The following INSC variants were observed in gnomAD, a reference collection of about 807,000 sequenced individuals.
The protein encoded by INSC is protein inscuteable homolog.
Under a neutral mutation model 58.6 loss-of-function variants are expected in INSC, and 67 were observed. That is an observed-to-expected ratio of 1.14 (90% confidence interval 0.94 to 1.40). The LOEUF (loss-of-function observed/expected upper bound fraction) is 1.40, where lower values mean the gene tolerates loss of function less well. INSC is among the 40% of genes most tolerant of loss of function. The pLI is 0.00. For missense variants in INSC, 714 were observed against 692.0 expected (o/e 1.03, Z -0.36); for synonymous variants, 262 against 276.1 (o/e 0.95, Z 0.51).
intron 1 of INSC, among the ~76,000 whole-genome samples, chr11:15,131,054 T>G (rs1202902731): frequency 6.6e-6 from 1 of 152,102 alleles, no homozygotes; most frequent in Non-Finnish European, 1.5e-5. Context: ...CTCTGATACT[T>G]TCTTTAGAAT....
intron 2 of INSC, among the ~76,000 whole-genome samples, chr11:15,160,189 GCACATGGGA>G (rs753247682): frequency 9.2e-5 from 14 of 152,172 alleles, no homozygotes; most frequent in Non-Finnish European, 1.5e-4. Flanking sequence ...GACGTGTGGG[GCACATGGGA>G]CATAAATTTG....
the INSC span, among the ~76,000 whole-genome samples, chr11:15,262,359 G>A: frequency 1.3e-5 from 2 of 151,996 alleles, no homozygotes; most frequent in African/African-American, 2.4e-5. Context: ...TACCATAAAG[G>A]CATTTGATAA....
chr11:15,178,548 GA>G (rs747218287), intron 5 of INSC, 101 bp downstream of exon 5: 3 of 1,357,846 alleles, frequency 2.2e-6, no homozygotes, highest in Non-Finnish European at 3.0e-6. Context: ...TACTGATGTG[GA>G]CTTTATTGGG....
At chr11:15,164,141 A>AT (rs5789862) in intron 2 of INSC, among the ~76,000 whole-genome samples, 56 of 151,370 alleles carry the variant, frequency 3.7e-4, no homozygotes, top group Non-Finnish European at 3.1e-4. Flanking sequence ...TTAAGAGTAC[A>AT]TTTTTTTTCT....
chr11:15,144,287 G>A (rs1342859458), intron 1 of INSC, among the ~76,000 whole-genome samples: 2 of 152,304 alleles, frequency 1.3e-5, no homozygotes, highest in South Asian at 2.1e-4. Context: ...AATCTTGTGA[G>A]GTTGTCTATT....
chr11:15,263,714 T>C, the INSC span, among the ~76,000 whole-genome samples: 4 of 152,176 alleles, frequency 2.6e-5, no homozygotes, highest in African/African-American at 9.7e-5. Flanking sequence ...GCTCTGAGTT[T>C]CACAAAGCTG....
At chr11:15,154,812 T>C (rs1848758637) in intron 2 of INSC, among the ~76,000 whole-genome samples, 1 of 151,972 alleles carries the variant, frequency 6.6e-6, no homozygotes, top group South Asian at 2.1e-4. Flanking sequence ...CCTTTTTTTT[T>C]GGACAAAAAT....
At chr11:15,113,111 C>CTT (rs1554899318), upstream of INSC, among the ~76,000 whole-genome samples, 1 of 58,004 alleles carries the variant, frequency 1.7e-5, no homozygotes. Flanking sequence ...TCTTTCTTTT[C>CTT]TCTCTCTCTC....
intron 2 of INSC, among the ~76,000 whole-genome samples, chr11:15,164,779 T>C (rs1849138010): frequency 6.6e-6 from 1 of 152,180 alleles, no homozygotes; most frequent in South Asian, 2.1e-4. Context: ...GCTCCCATAA[T>C]TCCCATGTGT....
At chr11:15,157,500 G>A (rs1380296255) in intron 2 of INSC, among the ~76,000 whole-genome samples, 1 of 152,214 alleles carries the variant, frequency 6.6e-6, no homozygotes, top group Non-Finnish European at 1.5e-5. Flanking sequence ...CCCACTGGGA[G>A]TTGGAAGGGG....
chr11:15,221,273 G>A (rs1851427780), intron 7 of INSC, among the ~76,000 whole-genome samples: 1 of 152,130 alleles, frequency 6.6e-6, no homozygotes, highest in Non-Finnish European at 1.5e-5. Context: ...ACTCAAAGGA[G>A]AGGCCTCCAG....
intron 5 of INSC, among the ~76,000 whole-genome samples, chr11:15,183,716 A>C (rs1007476838): frequency 6.6e-6 from 1 of 152,234 alleles, no homozygotes; most frequent in Admixed American, 6.5e-5. Flanking sequence ...TGAAGAGCCA[A>C]AGACTCTAAA....
chr11:15,196,428 C>T (rs1476005764), intron 6 of INSC, among the ~76,000 whole-genome samples: 1 of 152,206 alleles, frequency 6.6e-6, no homozygotes, highest in Non-Finnish European at 1.5e-5. Flanking sequence ...ATTTCCATTT[C>T]ACCAGCTAGT....
intron 1 of INSC, among the ~76,000 whole-genome samples, chr11:15,136,485 A>G (rs1377428506): frequency 6.6e-6 from 1 of 152,064 alleles, no homozygotes; most frequent in African/African-American, 2.4e-5. Context: ...GTTTGATAGC[A>G]TTTTACCTAT....
chr11:15,214,482 C>G (rs992916915), intron 7 of INSC, among the ~76,000 whole-genome samples: 6 of 152,164 alleles, frequency 3.9e-5, no homozygotes, highest in Admixed American at 3.9e-4. Context: ...CTAAGAAGAG[C>G]AGACTAGCAC....
chr11:15,155,829 T>C (rs1180531481), intron 2 of INSC, among the ~76,000 whole-genome samples: 1 of 151,516 alleles, frequency 6.6e-6, no homozygotes, highest in Non-Finnish European at 1.5e-5. Flanking sequence ...CACCCTAGAG[T>C]TTTGGGGACA....
At chr11:15,237,029 T>G (rs1852159741) in intron 10 of INSC, among the ~76,000 whole-genome samples, 1 of 152,188 alleles carries the variant, frequency 6.6e-6, no homozygotes, top group Admixed American at 6.5e-5. Flanking sequence ...CATAGGCCTG[T>G]GAATTTGAGA....
intron 6 of INSC, among the ~76,000 whole-genome samples, chr11:15,196,866 A>G (rs1850391977): frequency 6.6e-6 from 1 of 152,138 alleles, no homozygotes; most frequent in African/African-American, 2.4e-5. Flanking sequence ...CTAGTAAGGG[A>G]CTGAACTGGA....
the INSC span, among the ~76,000 whole-genome samples, chr11:15,269,358 G>T: frequency 1.3e-5 from 2 of 151,876 alleles, no homozygotes; most frequent in Non-Finnish European, 1.5e-5. Flanking sequence ...AGATACTATT[G>T]CCTCTTTTTC....
Sources: gnomAD v4.1 joint callset for allele counts (sites outside exome capture counted in the v4.1 genomes callset) on GRCh38, gnomAD v4.1.1 for gene constraint, MANE v1.5 for transcripts, NCBI Gene and HGNC (gene_info 2026-07-23, HGNC 2026-07-21) for gene names.